Variants in CLIC4 observed in about 807,000 individuals in gnomAD.
CLIC4 encodes chloride intracellular channel protein 4.
A neutral mutation model predicts 24.6 loss-of-function variants in CLIC4; 13 were observed. The observed-to-expected ratio is 0.53, with a 90% CI of 0.34 to 0.84. The LOEUF is 0.84. Ranked by LOEUF, CLIC4 falls within the 40% of genes least tolerant of loss-of-function variation. CLIC4 has a pLI of 0.01. For missense variants in CLIC4, 227 were observed against 301.7 expected, an observed-to-expected ratio of 0.75 and a Z score of 1.83; for synonymous variants, 104 against 111.3, an observed-to-expected ratio of 0.93 and a Z score of 0.41.
At position 24,745,527 on chromosome 1, in the gene CLIC4, C is replaced by A; in HGVS notation, c.-27C>A. 1 of 1,567,064 alleles carries A rather than the reference C, an allele frequency of 6.4e-7. No homozygotes were observed. Among genetic ancestry groups the A allele is most frequent in the Non-Finnish European group, 8.6e-7 (1 of 1,159,908 alleles). ...CAGCAGCAGCAGCAGCAGCCCTCGCCGTTCGCGGAGCGCAGCCGAGCCGGC... is the reference window on the plus strand; with the variant it reads ...CAGCAGCAGCAGCAGCAGCCCTCGCAGTTCGCGGAGCGCAGCCGAGCCGGC... On this transcript the variant is annotated 5_prime_UTR_variant, in exon 1 of 6. Coordinates refer to ENST00000374379, the MANE Select transcript of CLIC4 (RefSeq NM_013943.3).
chr1:24,766,270 TG>T (rs1638993774), intron 1 of CLIC4, among the ~76,000 whole-genome samples: 1 of 151,912 alleles, frequency 6.6e-6, no homozygotes, highest in Non-Finnish European at 1.5e-5. Flanking sequence ...CCCAAAGTGC[TG>T]GGATTACAGG....
chr1:24,812,318 C>G (rs1335447799), intron 2 of CLIC4, among the ~76,000 whole-genome samples: 1 of 152,022 alleles, frequency 6.6e-6, no homozygotes, highest in Non-Finnish European at 1.5e-5. Flanking sequence ...TCTGGTGATC[C>G]TTTTCCTTGT....
chr1:24,843,232 T>A lies in CLIC4; in HGVS notation c.*2295T>A, dbSNP rs1639960529. 6.6e-6 allele frequency: 1 copy of A among 152,132 alleles called. No homozygotes were observed. Among genetic ancestry groups the A allele is most frequent in the Non-Finnish European group, 1.5e-5 (1 of 68,004 alleles). The allele number at this position is 152,132 out of a possible 1,614,324, so 9.4% of individuals were successfully genotyped here. A position where few individuals can be genotyped will look rare whatever the true frequency, so the allele number is the denominator to read the frequency against. On this transcript the variant is annotated 3_prime_UTR_variant, in exon 6 of 6. Coordinates refer to ENST00000374379, the MANE Select transcript of CLIC4 (RefSeq NM_013943.3). ...GAAGTTAGTCAAATGAAATGGAAAT[T>A]GGTAAATGGACAAAAGCTAGCTAGT...
At chr1:24,756,126 A>T (rs1400431693) in intron 1 of CLIC4, among the ~76,000 whole-genome samples, 1 of 151,216 alleles carries the variant, frequency 6.6e-6, no homozygotes, top group Non-Finnish European at 1.5e-5. Flanking sequence ...CAGCCTCCCG[A>T]GTAGCTGGGA....
intron 1 of CLIC4, among the ~76,000 whole-genome samples, chr1:24,777,023 T>C (rs1639149874): frequency 6.6e-6 from 1 of 152,234 alleles, no homozygotes; most frequent in East Asian, 1.9e-4. Context: ...TGTAAGACTA[T>C]TTTTGTCTTT....
At chr1:24,791,382 T>A (rs1021568025) in intron 1 of CLIC4, among the ~76,000 whole-genome samples, 2 of 152,190 alleles carry the variant, frequency 1.3e-5, no homozygotes, top group Non-Finnish European at 1.5e-5. Context: ...ATAATTTTGT[T>A]GAAATTGAAT....
At chr1:24,777,088 G>A (rs769682485) in intron 1 of CLIC4, among the ~76,000 whole-genome samples, 1 of 152,140 alleles carries the variant, frequency 6.6e-6, no homozygotes, top group African/African-American at 2.4e-5. Flanking sequence ...CTTTGTGTGT[G>A]TGCATGTGTG....
chr1:24,791,642 G>T (rs572354626), intron 1 of CLIC4, among the ~76,000 whole-genome samples: 1 of 152,122 alleles, frequency 6.6e-6, no homozygotes. Flanking sequence ...TTGGGAGGCC[G>T]AGGCGGGTGG....
chr1:24,782,078 A>C (rs1639212049), intron 1 of CLIC4, among the ~76,000 whole-genome samples: 1 of 152,220 alleles, frequency 6.6e-6, no homozygotes, highest in African/African-American at 2.4e-5. Flanking sequence ...AACCTTTGAA[A>C]ACTACTGGAA....
rs551197241 is a variant in CLIC4, at chr1:24,826,144, T to C, written c.309-866T>C. On this transcript the variant is annotated intron_variant, in intron 3 of 5. Coordinates refer to ENST00000374379, the MANE Select transcript of CLIC4 (RefSeq NM_013943.3). ...ACAGTGAAATATACATTTTTGTGTG[T>C]GTTTTAGAAAGCTGGTGTATTACAT... 1.6e-3 allele frequency among the ~76,000 whole-genome samples: 247 copies of C among 152,354 alleles called. 1 individual carries two copies. Among genetic ancestry groups the C allele is most frequent in the Non-Finnish European group, 3.0e-3 (205 of 68,032 alleles).
intron 2 of CLIC4, among the ~76,000 whole-genome samples, chr1:24,806,327 TG>T (rs559437811): frequency 8.7e-4 from 133 of 152,364 alleles, no homozygotes; most frequent in African/African-American, 3.1e-3. Flanking sequence ...TCTGTTTTGT[TG>T]ATACATAGCT....
chr1:24,805,264 G>C lies in CLIC4; in HGVS notation c.182+7413G>C, dbSNP rs537472696. On this transcript the variant is annotated intron_variant, in intron 2 of 5. Transcript: ENST00000374379. The stretch of plus-strand genomic sequence containing the variant: ...TCCAAATCAGTAAAATTCTTTAACT[G>C]GTTGAACTGGGACAAAGACAAATTC... Among the ~76,000 whole-genome samples, 112 of 152,090 alleles carry C rather than the reference G, an allele frequency of 7.4e-4. 1 individual carries two copies. Among genetic ancestry groups the C allele is most frequent in the Non-Finnish European group, 4.1e-4 (28 of 67,986 alleles).
At chr1:24,755,604 A>G (rs749303011) in intron 1 of CLIC4, among the ~76,000 whole-genome samples, 2 of 150,944 alleles carry the variant, frequency 1.3e-5, no homozygotes, top group Non-Finnish European at 2.9e-5. Flanking sequence ...CGGAGATCCT[A>G]TCTCTTAAAA....
chr1:24,775,220 C>CTTTTTTTTTTTTTTTTTTTTTTTTTT, intron 1 of CLIC4, among the ~76,000 whole-genome samples: 1 of 77,034 alleles, frequency 1.3e-5, no homozygotes, highest in Admixed American at 1.4e-4. Context: ...TCCTTTCTTT[C>CTTTTTTTTTTTTTTTTTTTTTTTTTT]TTTCTTTTTT....
intron 1 of CLIC4, among the ~76,000 whole-genome samples, chr1:24,782,551 C>T (rs1207958010): frequency 6.6e-6 from 1 of 151,928 alleles, no homozygotes. Context: ...TATCTATCTG[C>T]TCTTGAAGAT....
At chr1:24,837,837 A>T (rs1009719248) in intron 4 of CLIC4, among the ~76,000 whole-genome samples, 6 of 152,150 alleles carry the variant, frequency 3.9e-5, no homozygotes, top group Non-Finnish European at 8.8e-5. Context: ...AACATGGTGA[A>T]ACCCGGTCTT....
At chr1:24,785,871 A>G (rs888536554) in intron 1 of CLIC4, among the ~76,000 whole-genome samples, 16 of 151,128 alleles carry the variant, frequency 1.1e-4, no homozygotes, top group Non-Finnish European at 1.6e-4. Context: ...AAAAAAAAAA[A>G]AAAAAGAAAA....
intron 2 of CLIC4, among the ~76,000 whole-genome samples, chr1:24,803,242 C>T (rs1639509939): frequency 6.6e-6 from 1 of 152,018 alleles, no homozygotes; most frequent in South Asian, 2.1e-4. Flanking sequence ...AGAAAATATG[C>T]CTACAGTGCT....
At chr1:24,785,854 CAAAAA>C (rs61009244) in intron 1 of CLIC4, among the ~76,000 whole-genome samples, 1 of 58,852 alleles carries the variant, frequency 1.7e-5, no homozygotes, top group Non-Finnish European at 2.9e-5. Context: ...GACTACAACT[CAAAAA>C]AAAAAAAAAA....
Sources: allele counts gnomAD v4.1 joint callset (sites outside exome capture counted in the v4.1 genomes callset), GRCh38; gene constraint gnomAD v4.1.1; transcripts MANE v1.5; gene names NCBI Gene and HGNC (gene_info 2026-07-23, HGNC 2026-07-21).